INPP4B: variants seen among roughly 807,000 people sequenced by gnomAD.
INPP4B encodes inositol polyphosphate-4-phosphatase type II B.
Under a neutral mutation model 122.5 loss-of-function variants are expected in INPP4B, and 55 were observed. That is an observed-to-expected ratio of 0.45 (90% CI 0.36 to 0.56). The LOEUF (loss-of-function observed/expected upper bound fraction) is 0.56, where lower values mean the gene tolerates loss of function less well. Ranked by LOEUF, INPP4B falls within the 20% of genes least tolerant of loss-of-function variation. The probability of loss-of-function intolerance (pLI) is 0.00; values close to 1 mark genes in which losing one functional copy is unlikely to be tolerated. For missense variants in INPP4B, 1,000 were observed against 1,097.7 expected, an observed-to-expected ratio of 0.91 and a Z score of 1.26; for synonymous variants, 403 against 388.7, an observed-to-expected ratio of 1.04 and a Z score of -0.43.
chr4:142,594,222 C>T (rs988432109), intron 2 of INPP4B, among the ~76,000 whole-genome samples: 33 of 152,156 alleles, frequency 2.2e-4, no homozygotes, highest in Admixed American at 1.3e-3. Context: ...CCAGACATTT[C>T]CCAGTGTAGA....
intron 3 of INPP4B, among the ~76,000 whole-genome samples, chr4:142,433,117 C>T (rs1401657484): frequency 1.3e-5 from 2 of 152,120 alleles, no homozygotes; most frequent in African/African-American, 4.8e-5. Flanking sequence ...TGTTTATTTT[C>T]ACTGAGGACA....
chr4:142,586,254 C>T (rs932918045), intron 2 of INPP4B, among the ~76,000 whole-genome samples: 1 of 151,924 alleles, frequency 6.6e-6, no homozygotes, highest in East Asian at 1.9e-4. Context: ...AGAGTTTGTA[C>T]TGAGCCAAGA....
At chr4:142,572,116 G>A (rs538773990) in intron 2 of INPP4B, among the ~76,000 whole-genome samples, 101 of 152,190 alleles carry the variant, frequency 6.6e-4, no homozygotes, top group African/African-American at 2.2e-3. Flanking sequence ...TTCCAAAGCC[G>A]TTTGTGTCTT....
chr4:142,596,264 G>A (rs1441683688), intron 2 of INPP4B, among the ~76,000 whole-genome samples: 2 of 152,116 alleles, frequency 1.3e-5, no homozygotes, highest in African/African-American at 2.4e-5. Context: ...AATCTGGACT[G>A]GTCTTGTGAC....
intron 1 of INPP4B, among the ~76,000 whole-genome samples, chr4:142,739,145 T>C (rs1479627422): frequency 6.6e-6 from 1 of 152,054 alleles, no homozygotes; most frequent in Non-Finnish European, 1.5e-5. Context: ...AAACCGTAAA[T>C]TAATGCAAAA....
chr4:142,777,572 A>T (rs1340786110), intron 1 of INPP4B, among the ~76,000 whole-genome samples: 1 of 152,152 alleles, frequency 6.6e-6, no homozygotes, highest in Non-Finnish European at 1.5e-5. Context: ...GCCACGCCCA[A>T]CCTCCTGACC....
intron 17 of INPP4B, among the ~76,000 whole-genome samples, chr4:142,155,975 T>C (rs1349685248): frequency 3.4e-5 from 5 of 147,456 alleles, no homozygotes; most frequent in Non-Finnish European, 6.0e-5. Context: ...TTATGTAACA[T>C]AAACACATTT....
intron 2 of INPP4B, among the ~76,000 whole-genome samples, chr4:142,674,311 C>A (rs981037983): frequency 1.3e-5 from 2 of 152,112 alleles, no homozygotes; most frequent in African/African-American, 4.8e-5. Flanking sequence ...CAAAGATGTA[C>A]CTGCATGCAT....
intron 7 of INPP4B, among the ~76,000 whole-genome samples, chr4:142,374,919 A>AC (rs1791274126): frequency 6.6e-6 from 1 of 151,914 alleles, no homozygotes; most frequent in African/African-American, 2.4e-5. Flanking sequence ...AAAAGCAGTG[A>AC]CTTCTAGTAA....
At chr4:142,611,469 T>C (rs1742479963) in intron 2 of INPP4B, among the ~76,000 whole-genome samples, 2 of 152,152 alleles carry the variant, frequency 1.3e-5, no homozygotes, top group East Asian at 1.9e-4. Context: ...ATGGTAAGTA[T>C]ATAACATACT....
chr4:142,195,629 G>C (rs916801910), intron 14 of INPP4B, among the ~76,000 whole-genome samples: 7 of 152,000 alleles, frequency 4.6e-5, no homozygotes, highest in Admixed American at 2.0e-4. Flanking sequence ...AAAAAATGTA[G>C]ACATATATTC....
chr4:142,603,574 A>G (rs1740552749), intron 2 of INPP4B, among the ~76,000 whole-genome samples: 1 of 152,096 alleles, frequency 6.6e-6, no homozygotes, highest in African/African-American at 2.4e-5. Context: ...ATCAGAGACT[A>G]TTATGAACAA....
chr4:142,624,971 G>A (rs1478998522), intron 2 of INPP4B, among the ~76,000 whole-genome samples: 2 of 151,456 alleles, frequency 1.3e-5, no homozygotes, highest in African/African-American at 2.4e-5. Context: ...AGGTATTGAT[G>A]GGATGTATCT....
At chr4:142,755,964 T>C (rs187475844) in intron 1 of INPP4B, among the ~76,000 whole-genome samples, 343 of 152,104 alleles carry the variant, frequency 2.3e-3, no homozygotes, top group Non-Finnish European at 3.9e-3. Context: ...TAAACCCCAG[T>C]TTTTACTAGG....
intron 15 of INPP4B, among the ~76,000 whole-genome samples, chr4:142,182,404 C>T (rs1401014994): frequency 2.0e-5 from 3 of 151,846 alleles, no homozygotes; most frequent in Admixed American, 6.6e-5. Context: ...AAAAATTAGC[C>T]GGGCGTGGTG....
At chr4:142,752,778 A>G (rs1481727479) in intron 1 of INPP4B, among the ~76,000 whole-genome samples, 1 of 152,138 alleles carries the variant, frequency 6.6e-6, no homozygotes, top group African/African-American at 2.4e-5. Flanking sequence ...AAGGAAGACC[A>G]GATGTGTCTT....
intron 11 of INPP4B, among the ~76,000 whole-genome samples, chr4:142,250,899 T>C (rs1477482235): frequency 4.6e-5 from 7 of 152,182 alleles, no homozygotes; most frequent in African/African-American, 1.4e-4. Context: ...CATCTTTCAC[T>C]CCACAAAGTA....
intron 9 of INPP4B, among the ~76,000 whole-genome samples, chr4:142,277,682 TACAC>T (rs3076592): frequency 1.8e-3 from 270 of 147,176 alleles, no homozygotes; most frequent in African/African-American, 5.9e-3. Flanking sequence ...CACACACACA[TACAC>T]ACACACACAC....
intron 2 of INPP4B, among the ~76,000 whole-genome samples, chr4:142,545,836 T>TAA (rs1580337287): frequency 1.4e-5 from 2 of 144,058 alleles, no homozygotes; most frequent in East Asian, 2.0e-4. Flanking sequence ...TATATATATA[T>TAA]AAAATGGTCT....
Sources: gnomAD v4.1 joint callset for allele counts (sites outside exome capture counted in the v4.1 genomes callset) on GRCh38, gnomAD v4.1.1 for gene constraint, MANE v1.5 for transcripts, NCBI Gene and HGNC (gene_info 2026-07-23, HGNC 2026-07-21) for gene names.